Variants in PCDHGB3 observed in about 807,000 individuals in gnomAD.
PCDHGB3 encodes the protein protocadherin gamma subfamily B, 3, also known as protocadherin gamma-B3.
A neutral mutation model predicts 59.2 loss-of-function variants in PCDHGB3; 40 were observed. The ratio of observed to expected loss-of-function variants is 0.68; its 90% CI spans 0.52 to 0.88. The LOEUF is 0.88. Ranked by LOEUF, PCDHGB3 falls within the 40% of genes least tolerant of loss-of-function variation. The probability of loss-of-function intolerance (pLI) is 0.00; values close to 1 mark genes in which losing one functional copy is unlikely to be tolerated. For missense variants in PCDHGB3, 1,309 were observed against 1,187.9 expected, an observed-to-expected ratio of 1.10 and a Z score of -1.50; for synonymous variants, 581 against 503.6, an observed-to-expected ratio of 1.15 and a Z score of -2.06.
chr5:141,371,144 T>C lies in PCDHGB3; in HGVS notation c.750T>C (p.Asn250=). Residue 250 remains asparagine (N), a synonymous_variant, in exon 1 of 4, where the codon AAT becomes AAC. Coordinates refer to ENST00000576222, the MANE Select transcript of PCDHGB3 (RefSeq NM_018924.5). Reference sequence around the variant, plus strand: ...TTACTCAGGACATGTACAGGGTCAATGTTGCAGAGAACCTGCCCGCTGGCT... The same window carrying C: ...TTACTCAGGACATGTACAGGGTCAACGTTGCAGAGAACCTGCCCGCTGGCT... ...PVFTQDMYRV[N]VAENLPAGSS... is the part of the protein sequence containing the mutation. 1 of 1,614,014 alleles carries C rather than the reference T, an allele frequency of 6.2e-7. No homozygotes were observed. The highest frequency in any genetic ancestry group is 8.5e-7 in the Non-Finnish European group (1 of 1,179,906).
At chr5:141,375,305 G>A in intron 1 of PCDHGB3, 1 of 1,613,812 alleles carries the variant, frequency 6.2e-7, no homozygotes, top group African/African-American at 1.3e-5. Context: ...AGTGACAAAT[G>A]CAGCTCTAGA....
Position 141,420,177 on chromosome 5 carries a change from A to G in PCDHGB3, c.2415+47368A>G, listed in dbSNP as rs1188698450. The G allele has an allele frequency of 2.5e-6, 4 of 1,613,992 alleles. No homozygotes were observed. Among genetic ancestry groups the G allele is most frequent in the South Asian group, 2.2e-5 (2 of 91,086 alleles). ...TTTAATTTTTTCACATCTGTTGATC[A>G]TTGTCCAGCCACACAAGATAACCTC... On this transcript the variant is annotated intron_variant, in intron 1 of 3. Coordinates refer to ENST00000576222, the MANE Select transcript of PCDHGB3 (RefSeq NM_018924.5).
intron 2 of PCDHGB3, among the ~76,000 whole-genome samples, chr5:141,501,703 G>A (rs183907124): frequency 6.6e-6 from 1 of 152,088 alleles, no homozygotes; most frequent in Non-Finnish European, 1.5e-5. Flanking sequence ...GTGATTCCGA[G>A]GATAAAAAAG....
At chr5:141,418,349 A>G in intron 1 of PCDHGB3, 1 of 1,614,016 alleles carries the variant, frequency 6.2e-7, no homozygotes, top group South Asian at 1.1e-5. Context: ...TGATATTAGT[A>G]TGAATTCGCT....
chr5:141,431,036 G>A lies in PCDHGB3; in HGVS notation c.2415+58227G>A. The A allele has an allele frequency of 6.2e-7, 1 of 1,614,204 alleles. No individual in the cohort carries two copies. Among genetic ancestry groups the A allele is most frequent in the Non-Finnish European group, 8.5e-7 (1 of 1,180,034 alleles). ...GGTCACGGCGGGCAGGATAGACCGG[G>A]AGGAGCTCTGTATGGGGGCCATCAA... On this transcript the variant is annotated intron_variant, in intron 1 of 3. Coordinates refer to ENST00000576222, the MANE Select transcript of PCDHGB3 (RefSeq NM_018924.5). This position sits in a 1 kb window ranked among gnomAD's most constrained non-coding sequence, Gnocchi z 4.8.
At chr5:141,386,621 G>T (rs780529864) in intron 1 of PCDHGB3, among the ~76,000 whole-genome samples, 1 of 151,474 alleles carries the variant, frequency 6.6e-6, no homozygotes, top group Non-Finnish European at 1.5e-5. Flanking sequence ...ATGGAGTCTC[G>T]CTCTGTCACC....
Position 141,485,665 on chromosome 5 carries a change from C to G in PCDHGB3, c.2416-9142C>G. ...AGGCTCAGGATGCAGATGTGGGGAG[C>G]AATTCGATTAGCAGCTATAGGCTGA... On this transcript the variant is annotated intron_variant, in intron 1 of 3. Coordinates refer to ENST00000576222, the MANE Select transcript of PCDHGB3 (RefSeq NM_018924.5). This position sits in a 1 kb window ranked among gnomAD's most constrained non-coding sequence, Gnocchi z 5.7. 1 of 1,612,622 alleles carries G rather than the reference C, an allele frequency of 6.2e-7. No individual in the cohort carries two copies.
Position 141,393,633 on chromosome 5 carries a change from A to G in PCDHGB3, c.2415+20824A>G, listed in dbSNP as rs376168054. The stretch of plus-strand genomic sequence containing the variant: ...AGCCAGCGACCCGGATGAGGGAATC[A>G]ACGGAAAAGTGGCATACAAATTCCG... On this transcript the variant is annotated intron_variant, in intron 1 of 3. Transcript: ENST00000576222. 8 of 1,613,854 alleles carry G rather than the reference A, an allele frequency of 5.0e-6. No homozygotes were observed. The highest frequency in any genetic ancestry group is 1.3e-5 in the African/African-American group (1 of 74,956).
intron 1 of PCDHGB3, among the ~76,000 whole-genome samples, chr5:141,494,397 A>G (rs965158973): frequency 7.2e-5 from 11 of 152,208 alleles, no homozygotes; most frequent in African/African-American, 2.4e-4. Flanking sequence ...GAATAAATTC[A>G]TTCTAGGGCT....
intron 1 of PCDHGB3, chr5:141,408,072 T>G (rs1047187961): frequency 1.7e-5 from 24 of 1,388,622 alleles, no homozygotes; most frequent in Middle Eastern, 2.6e-4. Flanking sequence ...CGCAGACCTT[T>G]CCCAGCACAG....
At chr5:141,411,215 A>C (rs1202378654) in intron 1 of PCDHGB3, 1 of 152,270 alleles carries the variant, frequency 6.6e-6, no homozygotes, top group Non-Finnish European at 1.5e-5. Context: ...TAACCTATCT[A>C]TTCAAATTTG....
intron 1 of PCDHGB3, chr5:141,388,678 C>T (rs1347655255): frequency 5.6e-6 from 9 of 1,613,818 alleles, no homozygotes; most frequent in Non-Finnish European, 7.6e-6. Flanking sequence ...CTACAGGTGA[C>T]TGCCACGGAC....
rs760017836 is a variant in PCDHGB3, at chr5:141,432,060, C to G, written c.2415+59251C>G. 1.2e-6 allele frequency: 2 copies of G among 1,614,200 alleles called. No homozygotes were observed. The highest frequency in any genetic ancestry group is 1.7e-6 in the Non-Finnish European group (2 of 1,180,048). ...GACCGGGGAACCCCGCCCCTATCCACGGAAACTCATATCTCGCTGAACGTG... is the reference window on the plus strand; with the variant it reads ...GACCGGGGAACCCCGCCCCTATCCAGGGAAACTCATATCTCGCTGAACGTG... On this transcript the variant is annotated intron_variant, in intron 1 of 3. Coordinates refer to ENST00000576222, the MANE Select transcript of PCDHGB3 (RefSeq NM_018924.5). The surrounding 1 kb of genome is among the most constrained non-coding windows in gnomAD (Gnocchi z 6.0).
At chr5:141,413,118 G>C (rs999214227) in intron 1 of PCDHGB3, 1 of 1,517,152 alleles carries the variant, frequency 6.6e-7, no homozygotes, top group Non-Finnish European at 8.9e-7. Flanking sequence ...CAAAGGAACC[G>C]GTTGAAACAC....
chr5:141,438,337 T>C (rs935624931), intron 1 of PCDHGB3, among the ~76,000 whole-genome samples: 25 of 151,926 alleles, frequency 1.6e-4, no homozygotes, highest in Non-Finnish European at 1.9e-4. Context: ...ACATGTCATA[T>C]AAGGATCTAC....
At position 141,413,736 on chromosome 5, in the gene PCDHGB3, G is replaced by A. The variant is rs189162146; in HGVS notation, c.2415+40927G>A. The A allele has an allele frequency of 1.9e-4, 309 of 1,613,452 alleles. No individual in the cohort carries two copies. In the African/African-American group the frequency reaches 3.0e-3, roughly 16 times the overall value. On this transcript the variant is annotated intron_variant, in intron 1 of 3. Coordinates refer to ENST00000576222, the MANE Select transcript of PCDHGB3 (RefSeq NM_018924.5). Reference sequence around the variant, plus strand: ...ATAAGCACTTCTCCCTAAGAGTTCAGAGCCGTGCCAATGGCGTCAAGTACC... The same window carrying A: ...ATAAGCACTTCTCCCTAAGAGTTCAAAGCCGTGCCAATGGCGTCAAGTACC...
rs2099884060 is a variant in PCDHGB3 at position 141,512,057 on chromosome 5, A to T, written c.*884A>T. 1 of 152,768 alleles carries T rather than the reference A, an allele frequency of 6.5e-6. No individual in the cohort carries two copies. Among genetic ancestry groups the T allele is most frequent in the South Asian group, 2.1e-4 (1 of 4,832 alleles). 9.5% of individuals were successfully genotyped at this position (152,768 alleles called of 1,614,324 possible). ...GGCTCTGTATGTCCTCAGGGGACTG[A>T]CAACATCCTCCAGATTCCAGCCATA... is the stretch of plus-strand genomic sequence containing the variant. On this transcript the variant is annotated 3_prime_UTR_variant, in exon 4 of 4. Coordinates refer to ENST00000576222, the MANE Select transcript of PCDHGB3 (RefSeq NM_018924.5).
chr5:141,384,216 C>T (rs1342379342), intron 1 of PCDHGB3: 1 of 1,613,896 alleles, frequency 6.2e-7, no homozygotes, highest in Non-Finnish European at 8.5e-7. Context: ...CTCACATATT[C>T]ATGCAGGTGG....
At chr5:141,428,187 C>G in intron 1 of PCDHGB3, 3 of 1,439,502 alleles carry the variant, frequency 2.1e-6, no homozygotes, top group South Asian at 1.2e-5. Flanking sequence ...GGACAGCCGC[C>G]GCTCTCTGCG....
Sources: gnomAD v4.1 joint callset for allele counts (sites outside exome capture counted in the v4.1 genomes callset) on GRCh38, gnomAD v4.1.1 for gene constraint, Gnocchi (gnomAD v3.1) non-coding constraint, MANE v1.5 for transcripts, NCBI Gene and HGNC (gene_info 2026-07-23, HGNC 2026-07-21) for gene names.